Variants in BAIAP2 observed in about 807,000 individuals in gnomAD.
BAIAP2 encodes BAR/IMD domain containing adaptor protein 2.
In BAIAP2, 18 loss-of-function variants were observed where a neutral mutation model predicts 63.0. The observed-to-expected ratio is 0.29, with a 90% confidence interval of 0.20 to 0.42. BAIAP2 has a LOEUF of 0.42. BAIAP2 is among the 10% of genes least tolerant of loss of function. BAIAP2 has a pLI of 1.00. For missense variants in BAIAP2, 610 were observed against 734.3 expected (o/e 0.83, Z 1.96); for synonymous variants, 386 against 307.6 (o/e 1.25, Z -2.67).
In BAIAP2 at chr17:81,057,750, CGA is replaced by C; in HGVS notation, c.131-129_131-128del. The C allele has an allele frequency of 9.9e-6, 14 of 1,415,162 alleles. No homozygotes were observed. The South Asian group carries it at 2.1e-4, about 22-fold the overall frequency. 87.7% of individuals were successfully genotyped at this position (1,415,162 alleles called of 1,614,324 possible). On this transcript the variant is annotated intron_variant, in intron 2 of 13. Transcript: ENST00000428708. ...GTCCAACCCAGAAATCACAGCGAGT[CGA>C]GTATTCTCCCAGCTTGTCTGGGCAG... is the stretch of plus-strand genomic sequence containing the variant.
At chr17:81,071,782 A>T (rs2052713827) in intron 3 of BAIAP2, among the ~76,000 whole-genome samples, 1 of 152,216 alleles carries the variant, frequency 6.6e-6, no homozygotes, top group African/African-American at 2.4e-5. Context: ...GCTGTGGCTC[A>T]CATTCTGCCA....
chr17:81,062,731 G>A (rs1489247677), intron 3 of BAIAP2, among the ~76,000 whole-genome samples: 1 of 151,544 alleles, frequency 6.6e-6, no homozygotes, highest in East Asian at 1.9e-4. Context: ...TGGGTGAACG[G>A]GGAATGTGTT....
rs546217125 is a variant in BAIAP2, at chr17:81,109,647, G to A, written c.1535+1138G>A. On this transcript the variant is annotated intron_variant, in intron 13 of 13. Transcript: ENST00000428708. ...CGCTCCTGTGAGGGAGGCCGGGCCC[G>A]GGCACCTGAGGGCTTCTCCCTCTGG... is the stretch of plus-strand genomic sequence containing the variant. 18 of 985,368 alleles carry A rather than the reference G, an allele frequency of 1.8e-5. No individual in the cohort carries two copies. The East Asian group carries it at 6.8e-4, about 37-fold the overall frequency. 61.0% of individuals were successfully genotyped at this position (985,368 alleles called of 1,614,324 possible). A position where few individuals can be genotyped will look rare whatever the true frequency, so the allele number is the denominator to read the frequency against.
At chr17:81,077,175 G>T (rs2053799185) in intron 3 of BAIAP2, among the ~76,000 whole-genome samples, 1 of 152,168 alleles carries the variant, frequency 6.6e-6, no homozygotes, top group Admixed American at 6.5e-5. Flanking sequence ...TTTCTCTTCG[G>T]GGTGATGAAA....
intron 3 of BAIAP2, among the ~76,000 whole-genome samples, chr17:81,071,004 G>A (rs2052531308): frequency 1.3e-5 from 2 of 152,132 alleles, no homozygotes; most frequent in Admixed American, 6.5e-5. Flanking sequence ...ACCCAGCCTT[G>A]ACACCAAGGT....
At chr17:81,066,289 T>G (rs959407733) in intron 3 of BAIAP2, among the ~76,000 whole-genome samples, 1 of 152,090 alleles carries the variant, frequency 6.6e-6, no homozygotes, top group African/African-American at 2.4e-5. Context: ...CCCGGGAGAG[T>G]GGCAGGAGCT....
chr17:81,115,671 T>A (rs2060474984), intron 13 of BAIAP2, 99 bp from the exon 14 acceptor site: 1 of 1,414,582 alleles, frequency 7.1e-7, no homozygotes, highest in Admixed American at 1.7e-5. Context: ...ACCGTAGGCA[T>A]CCAGCACTGG....
intron 3 of BAIAP2, among the ~76,000 whole-genome samples, chr17:81,072,406 C>G (rs926366231): frequency 6.6e-6 from 1 of 152,264 alleles, no homozygotes; most frequent in Non-Finnish European, 1.5e-5. Flanking sequence ...CACCTGAGCA[C>G]TTCTCAGGGT....
At chr17:81,064,068 C>T (rs555207031) in intron 3 of BAIAP2, among the ~76,000 whole-genome samples, 40 of 152,390 alleles carry the variant, frequency 2.6e-4, no homozygotes, top group Non-Finnish European at 5.0e-4. Context: ...ACCCGGGCCC[C>T]TCTGGGTGTG....
At position 81,108,462 on chromosome 17, in the gene BAIAP2, C is replaced by T. The variant is rs1876329482; in HGVS notation, c.1501-13C>T. On this transcript the variant is annotated splice_polypyrimidine_tract_variant and intron_variant, in intron 12 of 13. Transcript: ENST00000428708. ...CGTCACCCGGCCTGACATGTTTCTG[C>T]CTCTGCCCCCAGGGCCTGGATGACT... 1.6e-5 allele frequency: 26 copies of T among 1,613,740 alleles called. No homozygotes were observed. The highest frequency in any genetic ancestry group is 2.1e-5 in the Non-Finnish European group (25 of 1,180,006).
At chr17:81,068,940 G>A (rs2052029919) in intron 3 of BAIAP2, among the ~76,000 whole-genome samples, 2 of 152,148 alleles carry the variant, frequency 1.3e-5, no homozygotes, top group African/African-American at 4.8e-5. Flanking sequence ...AGCTGCTCCA[G>A]GCTCCTCCAC....
intron 3 of BAIAP2, among the ~76,000 whole-genome samples, chr17:81,072,164 G>A (rs2052797966): frequency 1.3e-5 from 2 of 152,198 alleles, no homozygotes; most frequent in South Asian, 4.1e-4. Flanking sequence ...GGTGGGCTGG[G>A]CCATCTGCAT....
intron 1 of BAIAP2, among the ~76,000 whole-genome samples, chr17:81,043,972 C>A (rs2047444336): frequency 6.6e-6 from 1 of 152,240 alleles, no homozygotes; most frequent in Non-Finnish European, 1.5e-5. Context: ...GCCACGATCG[C>A]TAGCTTGTGG....
At chr17:81,066,098 C>T (rs570867609) in intron 3 of BAIAP2, among the ~76,000 whole-genome samples, 14 of 152,392 alleles carry the variant, frequency 9.2e-5, no homozygotes, top group African/African-American at 2.2e-4. Context: ...AACACCTGAG[C>T]CAGGCTGTTT....
intron 13 of BAIAP2, among the ~76,000 whole-genome samples, chr17:81,111,398 G>A (rs1394886133): frequency 1.3e-5 from 2 of 152,220 alleles, no homozygotes; most frequent in Non-Finnish European, 1.5e-5. Context: ...GGGACTGGAG[G>A]TCAGGGTCCT....
At chr17:81,077,881 G>A (rs969681706) in intron 3 of BAIAP2, among the ~76,000 whole-genome samples, 7 of 151,216 alleles carry the variant, frequency 4.6e-5, no homozygotes, top group African/African-American at 1.7e-4. Flanking sequence ...GTGGGTGCCA[G>A]TGCCATCTTA....
At chr17:81,101,505 T>C (rs1004572301) in intron 7 of BAIAP2, among the ~76,000 whole-genome samples, 2 of 152,138 alleles carry the variant, frequency 1.3e-5, no homozygotes, top group Non-Finnish European at 2.9e-5. Flanking sequence ...GAAGATGTAG[T>C]TCCGGAGCCA....
chr17:81,083,885 G>C (rs951816364), intron 3 of BAIAP2: 7 of 152,348 alleles, frequency 4.6e-5, no homozygotes, highest in Non-Finnish European at 8.8e-5. Context: ...TCCTCTCTCT[G>C]TGCCCCTCTC....
chr17:81,058,551 C>T (rs1323569343), intron 3 of BAIAP2, among the ~76,000 whole-genome samples: 1 of 152,198 alleles, frequency 6.6e-6, no homozygotes, highest in Non-Finnish European at 1.5e-5. Flanking sequence ...TCCACAGTCC[C>T]CTCACCTAGC....
Sources: gnomAD v4.1 joint callset for allele counts (sites outside exome capture counted in the v4.1 genomes callset) on GRCh38, gnomAD v4.1.1 for gene constraint, MANE v1.5 for transcripts, NCBI Gene and HGNC (gene_info 2026-07-23, HGNC 2026-07-21) for gene names.